Variants in RERG observed in about 807,000 individuals in gnomAD.
RERG encodes the protein RAS like estrogen regulated growth inhibitor.
In RERG, 25 loss-of-function variants were observed where a neutral mutation model predicts 23.2. The observed-to-expected ratio is 1.08, with a 90% CI of 0.79 to 1.50. The LOEUF (loss-of-function observed/expected upper bound fraction) is 1.50, where lower values mean the gene tolerates loss of function less well. RERG is among the 40% of genes most tolerant of loss of function. The pLI is 0.00. For synonymous variants in RERG, 81 were observed against 89.1 expected, an observed-to-expected ratio of 0.91 and a Z score of 0.51; for missense variants, 253 against 250.1, an observed-to-expected ratio of 1.01 and a Z score of -0.08.
intron 2 of RERG, 119 bp from the exon 3 acceptor site, chr12:15,121,238 T>A: frequency 2.9e-6 from 2 of 684,666 alleles, no homozygotes; most frequent in Non-Finnish European, 4.9e-6. Flanking sequence ...ATTTCCTTGA[T>A]ATATAAAACA....
intron 2 of RERG, among the ~76,000 whole-genome samples, chr12:15,161,138 AAAAG>A (rs57319626): frequency 0.018 from 768 of 41,584 alleles, 7 homozygotes; most frequent in Non-Finnish European, 0.021. Context: ...CCATCTCAGA[AAAAG>A]AAAGAAAGAA....
At chr12:15,213,323 T>C (rs1360475148) in intron 2 of RERG, among the ~76,000 whole-genome samples, 2 of 152,258 alleles carry the variant, frequency 1.3e-5, no homozygotes, top group Admixed American at 1.3e-4. Flanking sequence ...GTCTTATCAC[T>C]TTAATTACTT....
At chr12:15,136,254 T>G (rs1326319083) in intron 2 of RERG, among the ~76,000 whole-genome samples, 1 of 152,062 alleles carries the variant, frequency 6.6e-6, no homozygotes, top group Non-Finnish European at 1.5e-5. Context: ...ATCTATCCCC[T>G]CTGTCATTTC....
intron 2 of RERG, among the ~76,000 whole-genome samples, chr12:15,176,445 C>G (rs562851272): frequency 1.2e-3 from 184 of 152,140 alleles, no homozygotes; most frequent in Middle Eastern, 3.4e-3. Context: ...ATGTGGTACC[C>G]AGAGCCAGAC....
chr12:15,195,517 T>G (rs1403551186), intron 2 of RERG, among the ~76,000 whole-genome samples: 1 of 151,136 alleles, frequency 6.6e-6, no homozygotes, highest in Admixed American at 6.6e-5. Context: ...CATGGAAAAT[T>G]TCCACTTAAC....
intron 2 of RERG, among the ~76,000 whole-genome samples, chr12:15,147,067 CAA>C (rs544852513): frequency 0.071 from 7,505 of 105,468 alleles, 280 homozygotes; most frequent in African/African-American, 0.12. Context: ...TCAGTGAAGC[CAA>C]AAAAAAAAAA....
intron 2 of RERG, among the ~76,000 whole-genome samples, chr12:15,196,106 G>A (rs1265875066): frequency 1.3e-5 from 2 of 152,104 alleles, no homozygotes; most frequent in African/African-American, 4.8e-5. Flanking sequence ...TTTAAAATCT[G>A]AGAAAGGCAT....
intron 3 of RERG, among the ~76,000 whole-genome samples, chr12:15,117,257 C>A (rs1161607404): frequency 6.6e-6 from 1 of 150,788 alleles, no homozygotes; most frequent in Non-Finnish European, 1.5e-5. Context: ...GAGTTGAGTT[C>A]TACTCCTAGT....
chr12:15,178,788 C>A (rs1864886347), intron 2 of RERG, among the ~76,000 whole-genome samples: 1 of 152,110 alleles, frequency 6.6e-6, no homozygotes, highest in Admixed American at 6.6e-5. Context: ...CAATAAAAGA[C>A]CATCTCGTTA....
chr12:15,150,248 T>A (rs1448077875), intron 2 of RERG, among the ~76,000 whole-genome samples: 1 of 152,186 alleles, frequency 6.6e-6, no homozygotes, highest in East Asian at 1.9e-4. Context: ...TGCATTTTTA[T>A]ATATTAAATA....
At chr12:15,151,243 C>T (rs998001715) in intron 2 of RERG, among the ~76,000 whole-genome samples, 4 of 152,048 alleles carry the variant, frequency 2.6e-5, no homozygotes, top group Non-Finnish European at 5.9e-5. Flanking sequence ...AAAGCAAAAA[C>T]AAAAACCAAT....
rs150851607 is a variant in RERG, at chr12:15,146,825, T to C, written c.62-25706A>G. ...TGAGCAGGCAGCTTCCCAAGTCCTG[T>C]TTACTTTCAGCGATTTGGCCTTTGC... On this transcript the variant is annotated intron_variant, in intron 2 of 4. Transcript: ENST00000256953. 7.4e-4 allele frequency among the ~76,000 whole-genome samples: 112 copies of C among 152,332 alleles called. 1 individual carries two copies. In the East Asian group the frequency reaches 0.02, roughly 28 times the overall value.
At position 15,221,299 on chromosome 12, in the gene RERG, T is replaced by C. The variant is rs1243446553; in HGVS notation, c.-219A>G. On this transcript the variant is annotated 5_prime_UTR_variant, in exon 1 of 5. Transcript: ENST00000256953. ...CACACTGCGCAGCCCAGGCTTCAGG[T>C]TGCGTTTGCGAGTTGCTGGGCTGCG... 2 of 152,212 alleles carry C rather than the reference T, an allele frequency of 1.3e-5. No homozygotes were observed. The highest frequency in any genetic ancestry group is 3.9e-4 in the East Asian group (2 of 5,194). The allele number at this position is 152,212 out of a possible 1,614,324, so 9.4% of individuals were successfully genotyped here.
intron 1 of RERG, chr12:15,217,839 T>C (rs1865463523): frequency 5.3e-6 from 1 of 188,708 alleles, no homozygotes; most frequent in South Asian, 1.2e-4. Flanking sequence ...TCACACACAA[T>C]AGCATTTCTA....
chr12:15,212,434 A>G (rs1865381407), intron 2 of RERG, among the ~76,000 whole-genome samples: 3 of 152,192 alleles, frequency 2.0e-5, no homozygotes, highest in South Asian at 4.1e-4. Flanking sequence ...TTTTATGTTT[A>G]AGCAAACATA....
intron 2 of RERG, among the ~76,000 whole-genome samples, chr12:15,180,518 C>T (rs902419957): frequency 6.6e-6 from 1 of 152,158 alleles, no homozygotes; most frequent in African/African-American, 2.4e-5. Flanking sequence ...CAAGCAGTAG[C>T]TCTGGAGACT....
At chr12:15,173,289 T>A (rs1440437036) in intron 2 of RERG, among the ~76,000 whole-genome samples, 1 of 151,960 alleles carries the variant, frequency 6.6e-6, no homozygotes, top group Admixed American at 6.6e-5. Flanking sequence ...AATATATGGG[T>A]TTATTTCTGG....
At chr12:15,161,177 A>T (rs1439730557) in intron 2 of RERG, among the ~76,000 whole-genome samples, 7 of 146,588 alleles carry the variant, frequency 4.8e-5, no homozygotes, top group African/African-American at 1.8e-4. Context: ...AAAGAAAGAA[A>T]GAAAGAAAGA....
At chr12:15,173,308 T>G (rs1252449185) in intron 2 of RERG, among the ~76,000 whole-genome samples, 1 of 152,020 alleles carries the variant, frequency 6.6e-6, no homozygotes. Context: ...GGGCTGTCAA[T>G]TCTATTCTGT....
Sources: allele counts gnomAD v4.1 joint callset (sites outside exome capture counted in the v4.1 genomes callset), GRCh38; gene constraint gnomAD v4.1.1; transcripts MANE v1.5; gene names NCBI Gene and HGNC (gene_info 2026-07-23, HGNC 2026-07-21).